The following SYS1 variants were observed in gnomAD, a reference collection of about 807,000 sequenced individuals.
SYS1 encodes the protein protein SYS1 homolog.
In SYS1, 8 loss-of-function variants were observed where a neutral mutation model predicts 17.8. The observed-to-expected ratio is 0.45, with a 90% CI of 0.26 to 0.81. SYS1 has a LOEUF of 0.81. Among genes scored for constraint, SYS1 ranks in the 40% least tolerant of loss-of-function variants. The pLI, the probability that SYS1 is intolerant of heterozygous loss-of-function variation, is 0.16. For missense variants in SYS1, 161 were observed against 203.9 expected, an observed-to-expected ratio of 0.79 and a Z score of 1.28; for synonymous variants, 95 against 90.9, an observed-to-expected ratio of 1.05 and a Z score of -0.26.
chr20:45,374,837 C>T (rs190755544), exon 4 of SYS1: 14 of 645,338 alleles, frequency 2.2e-5, no homozygotes, highest in Admixed American at 9.1e-5. Context: ...TATCCTGAGA[C>T]GCCTCAACCT....
At position 45,368,142 on chromosome 20, in the gene SYS1, C is replaced by G. The variant is rs144656081; in HGVS notation, c.*1027C>G. On this transcript the variant is annotated 3_prime_UTR_variant, in exon 4 of 4. Transcript: ENST00000243918. Reference sequence around the variant, plus strand: ...TCTGCCTGCACTTACTTTGTAATGCCACGGTTGAGATTGAGAGAGATCAGC... The same window carrying G: ...TCTGCCTGCACTTACTTTGTAATGCGACGGTTGAGATTGAGAGAGATCAGC... The G allele has an allele frequency of 7.7e-4, 754 of 985,278 alleles. 5 individuals are homozygous for G. The African/African-American group carries it at 0.012, about 16-fold the overall frequency. The allele number at this position is 985,278 out of a possible 1,614,324, so 61.0% of individuals were successfully genotyped here.
rs1988484135 is a variant in SYS1, at chr20:45,368,310, A to G, written c.*1195A>G. ...TCCTTCACTTGCAGCGTCCCCTGCTATGCCTCAGGTGAACCACATAATTCT... is the reference window on the plus strand; with the variant it reads ...TCCTTCACTTGCAGCGTCCCCTGCTGTGCCTCAGGTGAACCACATAATTCT... On this transcript the variant is annotated 3_prime_UTR_variant, in exon 4 of 4. Coordinates refer to ENST00000243918, the MANE Select transcript of SYS1 (RefSeq NM_033542.4). 3 of 985,428 alleles carry G rather than the reference A, an allele frequency of 3.0e-6. No individual in the cohort carries two copies. Among genetic ancestry groups the G allele is most frequent in the Non-Finnish European group, 1.2e-6 (1 of 829,950 alleles). The allele number at this position is 985,428 out of a possible 1,614,324, so 61.0% of individuals were successfully genotyped here.
In SYS1 at chr20:45,368,832, A is replaced by C. The variant is rs1037832930; in HGVS notation, c.*1717A>C. On this transcript the variant is annotated 3_prime_UTR_variant, in exon 4 of 4. Coordinates refer to ENST00000243918, the MANE Select transcript of SYS1 (RefSeq NM_033542.4). Reference sequence around the variant, plus strand: ...TGTGACTAACTTTGAAAGAACACCCATCATGTGGCTGCTGTCACCCTTGAC... The same window carrying C: ...TGTGACTAACTTTGAAAGAACACCCCTCATGTGGCTGCTGTCACCCTTGAC... 1.2e-4 allele frequency: 121 copies of C among 985,286 alleles called. No homozygotes were observed. Among genetic ancestry groups the C allele is most frequent in the Non-Finnish European group, 1.4e-4 (119 of 829,932 alleles). 61.0% of individuals were successfully genotyped at this position (985,286 alleles called of 1,614,324 possible).
Position 45,365,622 on chromosome 20 carries a change from C to T in SYS1, c.166C>T (p.Leu56=). The change falls in exon 3 of 4, where the codon CTG becomes TTG. Residue 56 remains leucine (L), a synonymous_variant. Coordinates refer to ENST00000243918, the MANE Select transcript of SYS1 (RefSeq NM_033542.4). ...TCCATTTGTGATTCCCCCTCAGATC[C>T]TGGGCTTTTCCACCCCTCCAGGCCG... The part of the protein sequence containing the change: ...SLDQMFDAEI[L]GFSTPPGRLS... The T allele has an allele frequency of 6.2e-7, 1 of 1,614,180 alleles. No individual in the cohort carries two copies. Among genetic ancestry groups the T allele is most frequent in the South Asian group, 1.1e-5 (1 of 91,088 alleles).
In SYS1 at chr20:45,363,514, C is replaced by T. The variant is rs760167008; in HGVS notation, c.-3-15C>T. ...AGACAGGCCGCTGGCTGAGGCCCGG[C>T]TCGTGTCCCTGCAGGGCATGGCGGG... On this transcript the variant is annotated splice_polypyrimidine_tract_variant and intron_variant, in intron 1 of 3. Transcript: ENST00000243918. The T allele has an allele frequency of 2.5e-6, 4 of 1,582,902 alleles. No individual in the cohort carries two copies. In the South Asian group the frequency reaches 3.4e-5, roughly 14 times the overall value.
intron 3 of SYS1, chr20:45,374,220 C>G (rs1185650338): frequency 1.5e-6 from 1 of 682,530 alleles, no homozygotes; most frequent in Non-Finnish European, 2.6e-6. Context: ...GAAAGGGCTG[C>G]GGTATTTTCT....
At chr20:45,370,512 C>T (rs923873019), downstream of SYS1, among the ~76,000 whole-genome samples, 1 of 152,148 alleles carries the variant, frequency 6.6e-6, no homozygotes, top group Non-Finnish European at 1.5e-5. Context: ...GTACTTCTAA[C>T]CCCTCGCTCT....
At chr20:45,375,852 G>T in exon 4 of SYS1, 1 of 376,704 alleles carries the variant, frequency 2.7e-6, no homozygotes, top group Non-Finnish European at 4.8e-6. Context: ...TCAGCTGGGA[G>T]GGTGAACAGT....
At chr20:45,372,034 T>C (rs1487681959), downstream of SYS1, among the ~76,000 whole-genome samples, 1 of 152,254 alleles carries the variant, frequency 6.6e-6, no homozygotes, top group Non-Finnish European at 1.5e-5. Flanking sequence ...TTCAATTTTT[T>C]CCCAGTTAAC....
At chr20:45,362,296 G>A (rs1017499929), upstream of SYS1, among the ~76,000 whole-genome samples, 3 of 152,168 alleles carry the variant, frequency 2.0e-5, no homozygotes, top group Non-Finnish European at 4.4e-5. Flanking sequence ...TAGCCTTCCT[G>A]CCACCGAGTA....
chr20:45,369,432 T>A, downstream of SYS1, among the ~76,000 whole-genome samples: 1 of 152,188 alleles, frequency 6.6e-6, no homozygotes. Flanking sequence ...GATGTATAAG[T>A]TCTGACTGGC....
downstream of SYS1, chr20:45,373,665 C>T: frequency 7.2e-6 from 4 of 556,898 alleles, no homozygotes; most frequent in South Asian, 4.5e-5. Flanking sequence ...AGGAAGCACA[C>T]GAGCGCCCTG....
chr20:45,362,108 T>C (rs1288487453), upstream of SYS1: 4 of 805,838 alleles, frequency 5.0e-6, no homozygotes, highest in Non-Finnish European at 6.0e-6. Flanking sequence ...CTATTCGGAT[T>C]TGGAAGATAG....
exon 4 of SYS1, chr20:45,375,369 C>T (rs757231275): frequency 2.1e-5 from 34 of 1,614,006 alleles, no homozygotes; most frequent in South Asian, 3.3e-5. Flanking sequence ...GTGGCATTGC[C>T]GCCAATGACG....
Position 45,368,575 on chromosome 20 carries a change from G to A in SYS1, c.*1460G>A. 1 of 985,434 alleles carries A rather than the reference G, an allele frequency of 1.0e-6. No homozygotes were observed. The highest frequency in any genetic ancestry group is 4.7e-5 in the South Asian group (1 of 21,290). 61.0% of individuals were successfully genotyped at this position (985,434 alleles called of 1,614,324 possible). On this transcript the variant is annotated 3_prime_UTR_variant, in exon 4 of 4. Coordinates refer to ENST00000243918, the MANE Select transcript of SYS1 (RefSeq NM_033542.4). ...TCCTGACTCTCAGCCCTACAGAGTA[G>A]GGAGTTGATGCTGACAGGATGAAGA...
chr20:45,369,770 T>TTTTGTA (rs1170165679), downstream of SYS1, among the ~76,000 whole-genome samples: 1 of 151,584 alleles, frequency 6.6e-6, no homozygotes, highest in Non-Finnish European at 1.5e-5. Context: ...CCCAGCTAAT[T>TTTTGTA]TTTGTATTTT....
chr20:45,367,787 T>C lies in SYS1; in HGVS notation c.*672T>C, dbSNP rs1265288322. ...CAGGTCCCCATCCTGCTGCCAGCTC[T>C]CAACATAGCAGGCCATAGGACCCAG... On this transcript the variant is annotated 3_prime_UTR_variant, in exon 4 of 4. Transcript: ENST00000243918. 7.1e-6 allele frequency: 7 copies of C among 986,176 alleles called. No individual in the cohort carries two copies. The highest frequency in any genetic ancestry group is 8.4e-6 in the Non-Finnish European group (7 of 830,310). The allele number at this position is 986,176 out of a possible 1,614,324, so 61.1% of individuals were successfully genotyped here.
chr20:45,374,079 G>A (rs2145365152), downstream of SYS1: 1 of 1,470,666 alleles, frequency 6.8e-7, no homozygotes, highest in South Asian at 1.1e-5. Flanking sequence ...TTTGGGGAGC[G>A]GGCGCAGGGA....
chr20:45,370,106 A>G (rs553152051), downstream of SYS1, among the ~76,000 whole-genome samples: 55 of 145,468 alleles, frequency 3.8e-4, no homozygotes, highest in East Asian at 6.2e-4. Flanking sequence ...TGTATTTTTC[A>G]TAGAGACGGG....
Sources: gnomAD v4.1 joint callset for allele counts (sites outside exome capture counted in the v4.1 genomes callset) on GRCh38, gnomAD v4.1.1 for gene constraint, MANE v1.5 for transcripts, NCBI Gene and HGNC (gene_info 2026-07-23, HGNC 2026-07-21) for gene names.